Variants in RPL14 observed in about 807,000 individuals in gnomAD.
The protein encoded by RPL14 is large ribosomal subunit protein eL14.
RPL14 carries 4 observed loss-of-function variants against 25.3 expected under a neutral mutation model. The observed-to-expected ratio is 0.16, with a 90% CI of 0.08 to 0.36. RPL14 has a LOEUF of 0.36. Ranked by LOEUF, RPL14 falls within the 10% of genes least tolerant of loss-of-function variation. RPL14 has a pLI of 1.00. For synonymous variants in RPL14, 75 were observed against 89.8 expected (o/e 0.84, Z 0.93); for missense variants, 212 against 261.9 (o/e 0.81, Z 1.31).
rs181240608 is a variant in RPL14, at chr3:40,467,939, A to G, written c.*5707A>G. The G allele has an allele frequency of 1.9e-3, 283 of 151,012 alleles. No homozygotes were observed. Among genetic ancestry groups the G allele is most frequent in the Non-Finnish European group, 3.2e-3 (219 of 67,818 alleles). 9.4% of individuals were successfully genotyped at this position (151,012 alleles called of 1,614,324 possible). ...GGGTTCAAGCAGTTCTCCTGCCTCAACCTCCTGAGTAGCTGGGATTACAGG... is the reference window on the plus strand; with the variant it reads ...GGGTTCAAGCAGTTCTCCTGCCTCAGCCTCCTGAGTAGCTGGGATTACAGG... On this transcript the variant is annotated 3_prime_UTR_variant, in exon 6 of 6. Transcript: ENST00000396203.
At chr3:40,461,350 T>G (rs1575251755) in intron 3 of RPL14, 57 bp from the exon 4 acceptor site, 1 of 1,413,068 alleles carries the variant, frequency 7.1e-7, no homozygotes, top group East Asian at 2.3e-5. Flanking sequence ...GAAAGTGTCT[T>G]TGATAATGAG....
rs577050964 is a variant in RPL14 at position 40,467,830 on chromosome 3, T to G, written c.*5598T>G. ...GTTTTTTGTGTGTGTGTGTTTTTTT[T>G]TTTTTTGAGACGAGGTCTTGCTCTC... On this transcript the variant is annotated 3_prime_UTR_variant, in exon 6 of 6. Coordinates refer to ENST00000396203, the MANE Select transcript of RPL14 (RefSeq NM_001034996.3). 2.0e-5 allele frequency: 3 copies of G among 152,102 alleles called. No individual in the cohort carries two copies. The highest frequency in any genetic ancestry group is 4.8e-5 in the African/African-American group (2 of 41,406). 9.4% of individuals were successfully genotyped at this position (152,102 alleles called of 1,614,324 possible).
rs1040444648 is a variant in RPL14 at position 40,464,473 on chromosome 3, G to T, written c.*2241G>T. 4.4e-6 allele frequency: 2 copies of T among 455,910 alleles called. No individual in the cohort carries two copies. Among genetic ancestry groups the T allele is most frequent in the Admixed American group, 2.4e-5 (1 of 42,540 alleles). 28.2% of individuals were successfully genotyped at this position (455,910 alleles called of 1,614,324 possible). A position where few individuals can be genotyped will look rare whatever the true frequency, so the allele number is the denominator to read the frequency against. The stretch of plus-strand genomic sequence containing the variant: ...CTATACCTAAAATAAGAAGAAGGTG[G>T]TGTAAGGGGAAGAATGACACGAGAT... On this transcript the variant is annotated 3_prime_UTR_variant, in exon 6 of 6. Coordinates refer to ENST00000396203, the MANE Select transcript of RPL14 (RefSeq NM_001034996.3).
At position 40,461,504 on chromosome 3, in the gene RPL14, A is replaced by G. The variant is rs1420942437; in HGVS notation, c.298A>G (p.Arg100Gly). ...GGCCAAGAAGATTGAAGCCAGAGAA[A>G]GGGTAATAACTTAGGGTCATTTGAA... is the stretch of plus-strand genomic sequence containing the variant. Reference protein sequence around the residue: ...RWAKKIEARERKAKMTDFDRF... With the variant: ...RWAKKIEAREGKAKMTDFDRF... Residue 100 changes from arginine (R) to glycine (G), a missense_variant and splice_region_variant, in exon 4 of 6, where the codon AGG becomes GGG. By Grantham distance (125) the Arg-to-Gly change is moderately radical. This residue lies in a region of RPL14 where 143 missense variants were observed against 180.3 expected (regional missense o/e 0.79). Transcript: ENST00000396203. 1 of 1,613,854 alleles carries G rather than the reference A, an allele frequency of 6.2e-7. No individual in the cohort carries two copies. Among genetic ancestry groups the G allele is most frequent in the Non-Finnish European group, 8.5e-7 (1 of 1,179,900 alleles).
At chr3:40,461,358 G>C in intron 3 of RPL14, 49 bp from the exon 4 acceptor site, 1 of 1,466,592 alleles carries the variant, frequency 6.8e-7, no homozygotes, top group South Asian at 1.1e-5. Flanking sequence ...CTTTGATAAT[G>C]AGTGACTTCA....
rs1696978219 is a variant in RPL14, at chr3:40,463,366, T to A, written c.*1134T>A. On this transcript the variant is annotated 3_prime_UTR_variant, in exon 6 of 6. Coordinates refer to ENST00000396203, the MANE Select transcript of RPL14 (RefSeq NM_001034996.3). ...GACTATAGGTGTGTGCCACCACGTCTGGCTAGTTTTTGTATTTTTAGTGGA... is the reference window on the plus strand; with the variant it reads ...GACTATAGGTGTGTGCCACCACGTCAGGCTAGTTTTTGTATTTTTAGTGGA... The A allele has an allele frequency of 6.6e-6, 1 of 152,190 alleles. No individual in the cohort carries two copies. Among genetic ancestry groups the A allele is most frequent in the African/African-American group, 2.4e-5 (1 of 41,432 alleles). 9.4% of individuals were successfully genotyped at this position (152,190 alleles called of 1,614,324 possible).
At chr3:40,459,033 C>T (rs1213017231) in intron 3 of RPL14, 6 of 319,818 alleles carry the variant, frequency 1.9e-5, no homozygotes, top group African/African-American at 6.5e-5. Flanking sequence ...AAAAAAAATT[C>T]GTTGGGCATG....
chr3:40,457,633 C>A (rs987722134), intron 1 of RPL14, 159 bp downstream of exon 1: 1 of 686,556 alleles, frequency 1.5e-6, no homozygotes, highest in Non-Finnish European at 2.4e-6. Context: ...ATGGCTGATG[C>A]GGCTCGTGGT....
In RPL14 at chr3:40,461,525, T is replaced by A; in HGVS notation, c.300+19T>A. Reference sequence around the variant, plus strand: ...AGAAAGGGTAATAACTTAGGGTCATTTGAATTCTGGTCCTTTCTTTTTTTG... The same window carrying A: ...AGAAAGGGTAATAACTTAGGGTCATATGAATTCTGGTCCTTTCTTTTTTTG... On this transcript the variant is annotated intron_variant, in intron 4 of 5. Transcript: ENST00000396203. 1 of 1,612,806 alleles carries A rather than the reference T, an allele frequency of 6.2e-7. No individual in the cohort carries two copies. Among genetic ancestry groups the A allele is most frequent in the Non-Finnish European group, 8.5e-7 (1 of 1,179,006 alleles).
At position 40,461,633 on chromosome 3, in the gene RPL14, G is replaced by A; in HGVS notation, c.326G>A (p.Arg109His). The A allele has an allele frequency of 6.2e-7, 1 of 1,603,818 alleles. No individual in the cohort carries two copies. Among genetic ancestry groups the A allele is most frequent in the Non-Finnish European group, 8.5e-7 (1 of 1,176,586 alleles). ...AAAGCCAAGATGACAGATTTTGATC[G>A]TTTTAAAGTTATGAAGGCAAAGAAA... Reference protein sequence around the residue: ...ERKAKMTDFDRFKVMKAKKMR... With the variant: ...ERKAKMTDFDHFKVMKAKKMR... Residue 109 changes from arginine to histidine, a missense_variant, in exon 5 of 6, where the codon CGT (arginine) becomes CAT (histidine). By Grantham distance (29) the Arg-to-His change is conservative. Coordinates refer to ENST00000396203, the MANE Select transcript of RPL14 (RefSeq NM_001034996.3).
intron 5 of RPL14, 33 bp from the exon 6 acceptor site, chr3:40,461,906 C>T (rs1286693935): frequency 2.5e-6 from 4 of 1,574,074 alleles, no homozygotes; most frequent in Middle Eastern, 2.1e-4. Context: ...TATGTATACA[C>T]AATAAGTGCT....
chr3:40,461,690 A>T (rs777638950), intron 5 of RPL14, 29 bp downstream of exon 5: 8 of 1,572,334 alleles, frequency 5.1e-6, no homozygotes, highest in Admixed American at 1.9e-5. Context: ...ATTTTTGTGT[A>T]ACTTAGCTTT....
intron 1 of RPL14, 173 bp from the exon 2 acceptor site, chr3:40,457,717 A>G: frequency 7.3e-6 from 5 of 685,970 alleles, no homozygotes; most frequent in Non-Finnish European, 1.2e-5. Flanking sequence ...GGCTTAAGCT[A>G]CTGAGGCGTT....
At chr3:40,459,785 G>A (rs931657321) in intron 3 of RPL14, among the ~76,000 whole-genome samples, 8 of 150,608 alleles carry the variant, frequency 5.3e-5, no homozygotes, top group African/African-American at 1.7e-4. Context: ...CGTGAGCCCG[G>A]GAGGCGGAGC....
At position 40,464,036 on chromosome 3, in the gene RPL14, C is replaced by G. The variant is rs1696991629; in HGVS notation, c.*1804C>G. The G allele has an allele frequency of 6.4e-6, 1 of 157,430 alleles. No homozygotes were observed. The highest frequency in any genetic ancestry group is 2.5e-5 in the African/African-American group (1 of 40,612). 9.8% of individuals were successfully genotyped at this position (157,430 alleles called of 1,614,324 possible). On this transcript the variant is annotated 3_prime_UTR_variant, in exon 6 of 6. Coordinates refer to ENST00000396203, the MANE Select transcript of RPL14 (RefSeq NM_001034996.3). ...CCAGGCTGGAATGTAGTGGCACGAT[C>G]TCAGCTCACTGCGACCTCCACCTCC...
chr3:40,457,494 C>T lies in RPL14; in HGVS notation c.3+20C>T. ...CGCATGGTGAGGGTCCCCGGGCCGG[C>T]TGTGCAGCGGAATCGGGCCCTTCCC... On this transcript the variant is annotated intron_variant, in intron 1 of 5. Transcript: ENST00000396203. The T allele has an allele frequency of 6.5e-7, 1 of 1,529,658 alleles. No individual in the cohort carries two copies. The highest frequency in any genetic ancestry group is 8.9e-7 in the Non-Finnish European group (1 of 1,127,998). 94.8% of individuals were successfully genotyped at this position (1,529,658 alleles called of 1,614,324 possible).
intron 1 of RPL14, 43 bp downstream of exon 1, chr3:40,457,517 C>T (rs1002162982): frequency 1.4e-6 from 2 of 1,440,386 alleles, no homozygotes; most frequent in East Asian, 2.6e-5. Flanking sequence ...TCGGGCCCTT[C>T]CCGGACTCGC....
rs753746678 is a variant in RPL14 at position 40,461,967 on chromosome 3, A to C, written c.383A>C (p.Lys128Thr). 1 of 1,606,700 alleles carries C rather than the reference A, an allele frequency of 6.2e-7. No individual in the cohort carries two copies. The highest frequency in any genetic ancestry group is 1.1e-5 in the South Asian group (1 of 89,812). Residue 128 changes from lysine to threonine, a missense_variant, in exon 6 of 6, where the codon AAG becomes ACG. By Grantham distance (78) the Lys-to-Thr change is moderately conservative. Coordinates refer to ENST00000396203, the MANE Select transcript of RPL14 (RefSeq NM_001034996.3). ...AACAGAATAATCAAGAATGAAGTTA[A>C]GAAGCTTCAAAAGGCAGCTCTCCTG... The part of the protein sequence containing the change: ...MRNRIIKNEV[K>T]KLQKAALLKA...
rs1019711453 is a variant in RPL14 at position 40,468,261 on chromosome 3, GTGTT to G, written c.*6033_*6036del. 6 of 152,326 alleles carry G rather than the reference GTGTT, an allele frequency of 3.9e-5. No individual in the cohort carries two copies. The highest frequency in any genetic ancestry group is 4.8e-5 in the African/African-American group (2 of 41,572). The allele number at this position is 152,326 out of a possible 1,614,324, so 9.4% of individuals were successfully genotyped here. On this transcript the variant is annotated 3_prime_UTR_variant, in exon 6 of 6. Transcript: ENST00000396203. ...GCACTTGCTGGATTGAAGAATGTGA[GTGTT>G]TGTATCACTCTTTCAGTAGGCTGTA...
Sources: gnomAD v4.1 joint callset for allele counts (sites outside exome capture counted in the v4.1 genomes callset) on GRCh38, gnomAD v4.1.1 for gene constraint, gnomAD v4.1.1 regional missense constraint, MANE v1.5 for transcripts, NCBI Gene and HGNC (gene_info 2026-07-23, HGNC 2026-07-21) for gene names.